Variants in MYO5A observed in about 807,000 individuals in gnomAD.
The protein encoded by MYO5A is unconventional myosin-Va.
Under a neutral mutation model 249.7 loss-of-function variants are expected in MYO5A, and 98 were observed. The observed-to-expected ratio is 0.39, with a 90% CI of 0.33 to 0.46. The LOEUF (loss-of-function observed/expected upper bound fraction) is 0.46. MYO5A is among the 20% of genes least tolerant of loss of function. MYO5A has a pLI of 0.98. For missense variants in MYO5A, 1,696 were observed against 2,308.8 expected (o/e 0.73, Z 5.44); for synonymous variants, 778 against 810.6 (o/e 0.96, Z 0.68).
intron 21 of MYO5A, 26 bp from the exon 22 acceptor site, chr15:52,370,443 T>G (rs775735453): frequency 1.3e-5 from 20 of 1,587,212 alleles, no homozygotes; most frequent in Non-Finnish European, 1.7e-5. Flanking sequence ...TAAGTAACAA[T>G]AAGTAAATAC....
intron 30 of MYO5A, among the ~76,000 whole-genome samples, chr15:52,344,192 C>T (rs552680711): frequency 9.2e-5 from 14 of 152,306 alleles, no homozygotes; most frequent in Admixed American, 9.1e-4. Flanking sequence ...CTAGAGAATT[C>T]ACCTATTTAC....
At chr15:52,430,230 G>A (rs1333018723) in intron 2 of MYO5A, among the ~76,000 whole-genome samples, 3 of 152,162 alleles carry the variant, frequency 2.0e-5, no homozygotes, top group Non-Finnish European at 4.4e-5. Context: ...CATTGGCCCT[G>A]TAAATACACA....
At chr15:52,507,151 G>C (rs763038232) in intron 1 of MYO5A, among the ~76,000 whole-genome samples, 1 of 152,130 alleles carries the variant, frequency 6.6e-6, no homozygotes, top group Non-Finnish European at 1.5e-5. Flanking sequence ...ATTTGTCTTC[G>C]AACCTCTATA....
At chr15:52,378,751 G>T (rs2041577646) in intron 18 of MYO5A, among the ~76,000 whole-genome samples, 1 of 151,964 alleles carries the variant, frequency 6.6e-6, no homozygotes, top group South Asian at 2.1e-4. Flanking sequence ...AACTTTTCAT[G>T]AATCTTTAAT....
rs1019180283 is a variant in MYO5A at position 52,389,487 on chromosome 15, A to G, written c.1543-124T>C. On this transcript the variant is annotated intron_variant, in intron 12 of 41. Transcript: ENST00000399233. ...TTTAACTAATAACTTTTACAATTCA[A>G]TTTAGGAGTTCATTCCTTCCACATT... 3.7e-5 allele frequency: 34 copies of G among 910,954 alleles called. No individual in the cohort carries two copies. The East Asian group carries it at 4.3e-4, about 12-fold the overall frequency. 56.4% of individuals were successfully genotyped at this position (910,954 alleles called of 1,614,324 possible).
chr15:52,411,529 A>C (rs763654480), intron 5 of MYO5A, among the ~76,000 whole-genome samples: 2 of 147,994 alleles, frequency 1.4e-5, no homozygotes, highest in African/African-American at 4.9e-5. Flanking sequence ...AATTTTTTTA[A>C]GGCAAAGCAA....
chr15:52,348,923 T>TAA lies in MYO5A; in HGVS notation c.3850-99_3850-98dup, dbSNP rs139493603. On this transcript the variant is annotated intron_variant, in intron 28 of 41. Coordinates refer to ENST00000399233, the MANE Select transcript of MYO5A (RefSeq NM_001382347.1). Reference sequence around the variant, plus strand: ...ATCAATGAGTTCCTATTATAACAGATAAAAGCTAATTTAAAAACAGCCATG... The same window carrying TAA: ...ATCAATGAGTTCCTATTATAACAGATAAAAAAGCTAATTTAAAAACAGCCATG... 0.063 allele frequency: 82,954 copies of TAA among 1,310,280 alleles called. 3,160 individuals are homozygous for TAA. Among genetic ancestry groups the TAA allele is most frequent in the East Asian group, 0.099 (4,106 of 41,498 alleles). The allele number at this position is 1,310,280 out of a possible 1,614,324, so 81.2% of individuals were successfully genotyped here. A position where few individuals can be genotyped will look rare whatever the true frequency, so the allele number is the denominator to read the frequency against.
intron 1 of MYO5A, among the ~76,000 whole-genome samples, chr15:52,481,503 C>T (rs1318269444): frequency 1.3e-5 from 2 of 152,136 alleles, no homozygotes; most frequent in South Asian, 2.1e-4. Context: ...CAATATGACA[C>T]ACAAAGTTCT....
chr15:52,451,447 T>C (rs28570350), intron 1 of MYO5A, among the ~76,000 whole-genome samples: 9,796 of 152,212 alleles, frequency 0.064, 948 homozygotes, highest in African/African-American at 0.21. Flanking sequence ...AAAAACAGGA[T>C]GAAAAATGGA....
At chr15:52,331,947 T>C (rs2038907453) in intron 34 of MYO5A, 1 of 820,942 alleles carries the variant, frequency 1.2e-6, no homozygotes, top group Admixed American at 6.2e-5. Context: ...AACTCTAAAG[T>C]ATATTCTTCC....
intron 1 of MYO5A, among the ~76,000 whole-genome samples, chr15:52,449,571 C>T (rs910177213): frequency 6.6e-6 from 1 of 152,228 alleles, no homozygotes; most frequent in Non-Finnish European, 1.5e-5. Flanking sequence ...TCTGGCCTGG[C>T]ATGGTTCCTT....
chr15:52,495,644 C>A (rs996274174), intron 1 of MYO5A, among the ~76,000 whole-genome samples: 1 of 151,752 alleles, frequency 6.6e-6, no homozygotes, highest in Admixed American at 6.6e-5. Flanking sequence ...ATATTGTAAG[C>A]CACAAATATA....
intron 12 of MYO5A, among the ~76,000 whole-genome samples, chr15:52,391,026 A>G (rs557885620): frequency 6.6e-6 from 1 of 152,180 alleles, no homozygotes; most frequent in South Asian, 2.1e-4. Flanking sequence ...TTCTTCTTAT[A>G]TGTATATACC....
In MYO5A at chr15:52,330,448, C is replaced by T; in HGVS notation, c.4460G>A (p.Arg1487Gln). ...TTCTTTCCTGGGAATGTTGACTGGT[C>T]GGATGGGTTCATCAATGATCTGTCC... is the stretch of plus-strand genomic sequence containing the variant. The part of the protein sequence containing the change: ...SPGQIIDEPI[R>Q]PVNIPRKEKD... Residue 1487 changes from arginine (R) to glutamine (Q), a missense_variant, in exon 35 of 42, where the codon CGA becomes CAA. Around this residue, in one of 5 missense-constraint regions of MYO5A, gnomAD observed 625 missense variants for 908.1 expected, o/e 0.69. Transcript: ENST00000399233. 3.7e-6 allele frequency: 6 copies of T among 1,614,022 alleles called. No homozygotes were observed. The highest frequency in any genetic ancestry group is 4.2e-6 in the Non-Finnish European group (5 of 1,179,968).
chr15:52,502,799 A>C (rs2077185611), intron 1 of MYO5A, among the ~76,000 whole-genome samples: 1 of 152,244 alleles, frequency 6.6e-6, no homozygotes, highest in Non-Finnish European at 1.5e-5. Flanking sequence ...TTTATGATTA[A>C]GGAAACAGAG....
intron 1 of MYO5A, among the ~76,000 whole-genome samples, chr15:52,504,237 A>T (rs962601936): frequency 2.0e-5 from 3 of 151,742 alleles, no homozygotes. Flanking sequence ...TCTTACTCAT[A>T]CCCAGCTAGC....
intron 38 of MYO5A, among the ~76,000 whole-genome samples, chr15:52,321,055 T>C (rs941065399): frequency 2.0e-5 from 3 of 151,508 alleles, no homozygotes; most frequent in African/African-American, 4.8e-5. Context: ...TGCTGGAAGA[T>C]AACAATGTTT....
At chr15:52,407,970 G>A in intron 7 of MYO5A, 89 bp downstream of exon 7, 2 of 897,208 alleles carry the variant, frequency 2.2e-6, no homozygotes, top group East Asian at 4.9e-5. Context: ...TCCAACATGA[G>A]ATAAGCTCCT....
intron 1 of MYO5A, among the ~76,000 whole-genome samples, chr15:52,458,272 A>C (rs1470353472): frequency 6.6e-6 from 1 of 152,222 alleles, no homozygotes. Context: ...AAATGTTCCT[A>C]ACACAAAGAA....
Sources: allele counts gnomAD v4.1 joint callset (sites outside exome capture counted in the v4.1 genomes callset), GRCh38; gene constraint gnomAD v4.1.1; regional missense constraint gnomAD v4.1.1; transcripts MANE v1.5; gene names NCBI Gene and HGNC (gene_info 2026-07-23, HGNC 2026-07-21).